SNTB2: variants seen among roughly 807,000 people sequenced by gnomAD.
SNTB2 encodes beta-2-syntrophin.
SNTB2 carries 34 observed loss-of-function variants against 46.2 expected under a neutral mutation model. The ratio of observed to expected loss-of-function variants is 0.74; its 90% confidence interval spans 0.56 to 0.98. The LOEUF is 0.98. Ranked by LOEUF, SNTB2 falls within the 50% of genes least tolerant of loss-of-function variation. SNTB2 has a pLI of 0.00. For synonymous variants in SNTB2, 290 were observed against 312.6 expected (o/e 0.93, Z 0.76); for missense variants, 603 against 731.4 (o/e 0.82, Z 2.02).
chr16:69,300,215 T>C (rs1965265857), intron 6 of SNTB2, among the ~76,000 whole-genome samples: 2 of 152,134 alleles, frequency 1.3e-5, no homozygotes, highest in African/African-American at 4.8e-5. Flanking sequence ...GTTTTCAAGA[T>C]GGCATTGGGT....
chr16:69,206,231 C>T (rs890309359), intron 1 of SNTB2, among the ~76,000 whole-genome samples: 7 of 152,022 alleles, frequency 4.6e-5, no homozygotes, highest in African/African-American at 1.7e-4. Flanking sequence ...AACTCTTGGG[C>T]TCAAGTGATC....
intron 5 of SNTB2, among the ~76,000 whole-genome samples, chr16:69,299,261 G>C (rs1486155339): frequency 6.6e-6 from 1 of 151,634 alleles, no homozygotes; most frequent in Non-Finnish European, 1.5e-5. Flanking sequence ...TCCTGCCTCA[G>C]CCTCCTGAGT....
chr16:69,291,983 G>A (rs1321502904), intron 5 of SNTB2, among the ~76,000 whole-genome samples: 2 of 151,522 alleles, frequency 1.3e-5, no homozygotes, highest in Non-Finnish European at 2.9e-5. Context: ...ACTTTGGGAG[G>A]CCGAGGTGGG....
rs1352712089 is a variant in SNTB2 at position 69,187,492 on chromosome 16, C to A, written c.326C>A (p.Ala109Glu). The change falls in exon 1 of 7, where the codon GCG becomes GAG. Residue 109 changes from alanine (A) to glutamate (E), a missense_variant. Ala to Glu is a moderately radical substitution (Grantham distance 107). Around this residue, in one of 2 missense-constraint regions of SNTB2, gnomAD observed 537 missense variants for 692.4 expected, o/e 0.78. Transcript: ENST00000336278. ...CGGGGCCCCGCGGGTGAGGCGGGCGCGTCGCCGCCCGTGCGCCGGGTGCGG... is the reference window on the plus strand; with the variant it reads ...CGGGGCCCCGCGGGTGAGGCGGGCGAGTCGCCGCCCGTGCGCCGGGTGCGG... ...PPRGPAGEAG[A>E]SPPVRRVRVV... is the part of the protein sequence containing the mutation. The A allele has an allele frequency of 7.2e-6, 9 of 1,246,760 alleles. No homozygotes were observed. The South Asian group carries it at 2.3e-4, about 32-fold the overall frequency. 77.2% of individuals were successfully genotyped at this position (1,246,760 alleles called of 1,614,324 possible).
intron 2 of SNTB2, among the ~76,000 whole-genome samples, chr16:69,250,217 G>T (rs1414401745): frequency 6.6e-6 from 1 of 152,200 alleles, no homozygotes; most frequent in African/African-American, 2.4e-5. Flanking sequence ...CATAAAAGTA[G>T]TAGGATTACA....
At chr16:69,266,664 T>C (rs1964888316) in intron 3 of SNTB2, among the ~76,000 whole-genome samples, 1 of 152,212 alleles carries the variant, frequency 6.6e-6, no homozygotes, top group Non-Finnish European at 1.5e-5. Context: ...GCTTATACTC[T>C]AGCCTTCAAA....
At chr16:69,254,306 T>C (rs575124611) in intron 2 of SNTB2, among the ~76,000 whole-genome samples, 1 of 152,256 alleles carries the variant, frequency 6.6e-6, no homozygotes, top group East Asian at 1.9e-4. Flanking sequence ...CAGAGGTAAC[T>C]GGTACCACCG....
intron 1 of SNTB2, among the ~76,000 whole-genome samples, chr16:69,210,029 T>TC (rs1189537192): frequency 6.7e-6 from 1 of 149,554 alleles, no homozygotes; most frequent in African/African-American, 2.4e-5. Flanking sequence ...ATTTTTTTTT[T>TC]TTTTTTTTTT....
chr16:69,208,064 G>A (rs1223845735), intron 1 of SNTB2, among the ~76,000 whole-genome samples: 1 of 144,560 alleles, frequency 6.9e-6, no homozygotes, highest in Non-Finnish European at 1.5e-5. Flanking sequence ...AGCTGAGATA[G>A]CACCATTGCA....
At chr16:69,201,367 T>C (rs1221936479) in intron 1 of SNTB2, among the ~76,000 whole-genome samples, 2 of 152,160 alleles carry the variant, frequency 1.3e-5, no homozygotes, top group East Asian at 3.8e-4. Flanking sequence ...TAAATGTAGA[T>C]CTGTATTTAA....
chr16:69,300,394 G>A (rs965951083), intron 6 of SNTB2, among the ~76,000 whole-genome samples: 3 of 152,198 alleles, frequency 2.0e-5, no homozygotes, highest in East Asian at 3.9e-4. Flanking sequence ...GAGATTACAT[G>A]CACGTGCCAC....
intron 1 of SNTB2, among the ~76,000 whole-genome samples, chr16:69,194,346 GT>G (rs1463038152): frequency 2.6e-4 from 39 of 152,088 alleles, no homozygotes; most frequent in African/African-American, 9.4e-4. Context: ...AGTTTCTATT[GT>G]ATTCCATTTT....
chr16:69,267,831 T>C (rs1465021603), intron 3 of SNTB2, among the ~76,000 whole-genome samples: 2 of 152,314 alleles, frequency 1.3e-5, no homozygotes, highest in Admixed American at 6.5e-5. Context: ...CAGAAGTCTT[T>C]AAGGAAAACA....
chr16:69,231,324 C>T (rs560001778), intron 1 of SNTB2, among the ~76,000 whole-genome samples: 11 of 152,156 alleles, frequency 7.2e-5, no homozygotes, highest in Non-Finnish European at 1.3e-4. Flanking sequence ...CGAGGTGGCT[C>T]ATGCCTGTAA....
rs1000516978 is a variant in SNTB2 at position 69,270,384 on chromosome 16, G to A, written c.1148+99G>A. ...TCTGTTATCTTAGGTGCCTAAAAGA[G>A]CATTTAAGTAGCGGATATAGTTGAT... On this transcript the variant is annotated intron_variant, in intron 4 of 6. Transcript: ENST00000336278. 19 of 1,445,252 alleles carry A rather than the reference G, an allele frequency of 1.3e-5. No homozygotes were observed. The African/African-American group carries it at 1.7e-4, about 13-fold the overall frequency. 89.5% of individuals were successfully genotyped at this position (1,445,252 alleles called of 1,614,324 possible).
chr16:69,286,827 A>G (rs1368148975), intron 5 of SNTB2, among the ~76,000 whole-genome samples: 2 of 152,198 alleles, frequency 1.3e-5, no homozygotes, highest in Non-Finnish European at 2.9e-5. Flanking sequence ...ACAATGATCA[A>G]GCCTGTGAAT....
chr16:69,206,072 C>T (rs758548349), intron 1 of SNTB2, among the ~76,000 whole-genome samples: 5 of 152,180 alleles, frequency 3.3e-5, no homozygotes, highest in South Asian at 4.1e-4. Flanking sequence ...TCATAGCTCA[C>T]AGCATCCTCT....
At chr16:69,261,543 ATAT>A (rs1688400118) in intron 3 of SNTB2, among the ~76,000 whole-genome samples, 1 of 152,078 alleles carries the variant, frequency 6.6e-6, no homozygotes, top group Non-Finnish European at 1.5e-5. Flanking sequence ...TGAGAATGTA[ATAT>A]TAGTACAGTG....
intron 3 of SNTB2, among the ~76,000 whole-genome samples, chr16:69,261,928 G>A (rs1964838398): frequency 6.6e-6 from 1 of 152,118 alleles, no homozygotes; most frequent in Non-Finnish European, 1.5e-5. Context: ...AAAATATGAG[G>A]CAGGGTGTGG....
Sources: allele counts gnomAD v4.1 joint callset (sites outside exome capture counted in the v4.1 genomes callset), GRCh38; gene constraint gnomAD v4.1.1; regional missense constraint gnomAD v4.1.1; transcripts MANE v1.5; gene names NCBI Gene and HGNC (gene_info 2026-07-23, HGNC 2026-07-21).